The following DNAH9 variants were observed in gnomAD, a reference collection of about 807,000 sequenced individuals.
DNAH9 encodes the protein dynein axonemal heavy chain 9.
A neutral mutation model predicts 471.6 loss-of-function variants in DNAH9; 345 were observed. The ratio of observed to expected loss-of-function variants is 0.73; its 90% CI spans 0.67 to 0.80. DNAH9 has a LOEUF of 0.80. Among genes scored for constraint, DNAH9 ranks in the 30% least tolerant of loss-of-function variants. DNAH9 has a pLI of 0.00. For missense variants in DNAH9, 5,407 were observed against 5,609.2 expected (o/e 0.96, Z 1.15); for synonymous variants, 2,093 against 2,123.6 (o/e 0.99, Z 0.40).
intron 35 of DNAH9, among the ~76,000 whole-genome samples, chr17:11,760,583 G>A (rs991282137): frequency 9.9e-5 from 15 of 151,738 alleles, no homozygotes; most frequent in South Asian, 2.1e-4. Context: ...GCAGTGGCGC[G>A]ATCTTGGCTC....
chr17:11,611,492 G>T (rs1273187400), intron 3 of DNAH9, among the ~76,000 whole-genome samples, 158 bp from the exon 4 acceptor site: 2 of 152,224 alleles, frequency 1.3e-5, no homozygotes, highest in African/African-American at 4.8e-5. Context: ...CCCTCACTGG[G>T]CTGGGAACAG....
intron 29 of DNAH9, among the ~76,000 whole-genome samples, chr17:11,740,961 C>A (rs979677017): frequency 7.2e-6 from 1 of 137,936 alleles, no homozygotes; most frequent in Non-Finnish European, 1.6e-5. Flanking sequence ...GTTTAGTATC[C>A]TACTTTCATT....
rs780910786 is a variant in DNAH9, at chr17:11,747,525, G to A, written c.6400-31G>A. 1.9e-6 allele frequency: 3 copies of A among 1,590,432 alleles called. No individual in the cohort carries two copies. In the South Asian group the frequency reaches 3.3e-5, roughly 18 times the overall value. ...TGGGATGCAGGTGAGTCACAGGCTG[G>A]TCCCTCTGGCTGAATTTCCTGCCTC... On this transcript the variant is annotated intron_variant, in intron 31 of 68. Coordinates refer to ENST00000262442, the MANE Select transcript of DNAH9 (RefSeq NM_001372.4).
intron 45 of DNAH9, among the ~76,000 whole-genome samples, chr17:11,818,258 G>A (rs1023387681): frequency 1.6e-4 from 24 of 152,106 alleles, no homozygotes; most frequent in Middle Eastern, 3.4e-3. Context: ...GTGAAACCCC[G>A]TCTGTACTAA....
At chr17:11,814,587 T>C (rs1057345919) in intron 45 of DNAH9, among the ~76,000 whole-genome samples, 3 of 152,238 alleles carry the variant, frequency 2.0e-5, no homozygotes, top group African/African-American at 7.2e-5. Context: ...GGTACTGTGC[T>C]CAAAGATGAA....
intron 8 of DNAH9, among the ~76,000 whole-genome samples, chr17:11,633,612 C>A (rs1315789625): frequency 2.0e-5 from 3 of 152,180 alleles, no homozygotes; most frequent in East Asian, 1.9e-4. Flanking sequence ...ACATTGGAAG[C>A]CTTTTGAGAT....
chr17:11,721,061 G>T (rs972040693), intron 27 of DNAH9, among the ~76,000 whole-genome samples: 2 of 152,160 alleles, frequency 1.3e-5, no homozygotes, highest in Non-Finnish European at 2.9e-5. Context: ...TCATTTGGAT[G>T]TAGAAGACGT....
At chr17:11,772,074 T>C (rs1021767473) in intron 38 of DNAH9, among the ~76,000 whole-genome samples, 1 of 152,130 alleles carries the variant, frequency 6.6e-6, no homozygotes, top group African/African-American at 2.4e-5. Flanking sequence ...CTATACTGCT[T>C]CCCTGCTAAG....
chr17:11,720,692 C>G (rs1245016001), intron 27 of DNAH9, among the ~76,000 whole-genome samples: 1 of 152,094 alleles, frequency 6.6e-6, no homozygotes, highest in Non-Finnish European at 1.5e-5. Flanking sequence ...GAGATTCATC[C>G]TCTATAATTT....
chr17:11,868,021 C>G (rs969782590), intron 50 of DNAH9, among the ~76,000 whole-genome samples: 8 of 152,218 alleles, frequency 5.3e-5, no homozygotes, highest in Non-Finnish European at 1.0e-4. Context: ...ACAGCTAACT[C>G]TAAGTTGTCA....
At position 11,699,699 on chromosome 17, in the gene DNAH9, T is replaced by C. The variant is rs553176077; in HGVS notation, c.4873-32T>C. The C allele has an allele frequency of 1.4e-5, 23 of 1,609,040 alleles. No homozygotes were observed. In the South Asian group the frequency reaches 1.9e-4, roughly 13 times the overall value. ...TAATAAGCAGCTTCCCGAACATGTT[T>C]TATGATCCATTGGCCTGGTTTCCCT... On this transcript the variant is annotated intron_variant, in intron 22 of 68. Coordinates refer to ENST00000262442, the MANE Select transcript of DNAH9 (RefSeq NM_001372.4).
At position 11,834,627 on chromosome 17, in the gene DNAH9, C is replaced by G. The variant is rs1970785273; in HGVS notation, c.9247-11C>G. The stretch of plus-strand genomic sequence containing the variant: ...ACAACTCCTGATAAGTCCCGTGCTT[C>G]TCCAATGCAGGTGGATGATCTGAAA... On this transcript the variant is annotated splice_polypyrimidine_tract_variant and intron_variant, in intron 48 of 68. Transcript: ENST00000262442. 1.2e-6 allele frequency: 2 copies of G among 1,613,632 alleles called. No homozygotes were observed. Among genetic ancestry groups the G allele is most frequent in the Non-Finnish European group, 1.7e-6 (2 of 1,179,944 alleles).
intron 9 of DNAH9, among the ~76,000 whole-genome samples, chr17:11,639,690 A>C (rs1466122228): frequency 6.6e-6 from 1 of 152,166 alleles, no homozygotes; most frequent in African/African-American, 2.4e-5. Context: ...GTTCAATTAG[A>C]GTCATCTTGA....
intron 59 of DNAH9, among the ~76,000 whole-genome samples, chr17:11,896,683 A>G (rs557235741): frequency 1.3e-5 from 2 of 152,362 alleles, no homozygotes; most frequent in South Asian, 4.1e-4. Context: ...CCTGGGCTAC[A>G]TAAGATACAA....
intron 42 of DNAH9, among the ~76,000 whole-genome samples, chr17:11,795,925 A>C (rs1969222016): frequency 1.3e-5 from 2 of 152,224 alleles, no homozygotes; most frequent in African/African-American, 4.8e-5. Flanking sequence ...ATTGGTATCA[A>C]GGAAAAGTTG....
At chr17:11,806,562 GA>G (rs371488427) in intron 43 of DNAH9, among the ~76,000 whole-genome samples, 1,836 of 146,376 alleles carry the variant, frequency 0.013, 27 homozygotes, top group African/African-American at 0.024. Context: ...ATTGCTAAAT[GA>G]AAAAAAAAAG....
At chr17:11,747,411 A>T in intron 31 of DNAH9, 145 bp from the exon 32 acceptor site, 1 of 640,446 alleles carries the variant, frequency 1.6e-6, no homozygotes, top group Non-Finnish European at 2.8e-6. Context: ...CCTATATTTC[A>T]GACCTCCTGA....
Position 11,969,535 on chromosome 17 carries a change from C to T in DNAH9, c.*8C>T. 1 of 1,597,498 alleles carries T rather than the reference C, an allele frequency of 6.3e-7. No homozygotes were observed. The highest frequency in any genetic ancestry group is 8.5e-7 in the Non-Finnish European group (1 of 1,174,928). ...TTGCTTCTCCAGATTTAGCATCCTG[C>T]AGAGCCACCGAGAAAATAAAAAAGC... On this transcript the variant is annotated 3_prime_UTR_variant, in exon 69 of 69. Coordinates refer to ENST00000262442, the MANE Select transcript of DNAH9 (RefSeq NM_001372.4).
intron 1 of DNAH9, among the ~76,000 whole-genome samples, chr17:11,603,254 A>G (rs1294825933): frequency 6.6e-6 from 1 of 151,950 alleles, no homozygotes; most frequent in East Asian, 1.9e-4. Context: ...TTCCAACTAT[A>G]TTTTCTTGCT....
Sources: gnomAD v4.1 joint callset for allele counts (sites outside exome capture counted in the v4.1 genomes callset) on GRCh38, gnomAD v4.1.1 for gene constraint, MANE v1.5 for transcripts, NCBI Gene and HGNC (gene_info 2026-07-23, HGNC 2026-07-21) for gene names.